Variants in CPD observed in about 807,000 individuals in gnomAD.
CPD encodes the protein metallocarboxypeptidase D.
Under a neutral mutation model 138.3 loss-of-function variants are expected in CPD, and 69 were observed. The ratio of observed to expected loss-of-function variants is 0.50; its 90% confidence interval spans 0.41 to 0.61. The LOEUF (loss-of-function observed/expected upper bound fraction) is 0.61, where lower values mean the gene tolerates loss of function less well. CPD is among the 20% of genes least tolerant of loss of function. The probability of loss-of-function intolerance (pLI) is 0.00; values close to 1 mark genes in which losing one functional copy is unlikely to be tolerated. For synonymous variants in CPD, 651 were observed against 642.1 expected (o/e 1.01, Z -0.21); for missense variants, 1,432 against 1,733.3 (o/e 0.83, Z 3.09).
intron 10 of CPD, 142 bp from the exon 11 acceptor site, chr17:30,443,660 C>A: frequency 1.4e-6 from 1 of 714,490 alleles, no homozygotes; most frequent in Non-Finnish European, 2.2e-6. Context: ...TGAACATTTA[C>A]ATTGAACTTT....
At chr17:30,426,458 A>G (rs1912410758) in intron 6 of CPD, among the ~76,000 whole-genome samples, 1 of 152,194 alleles carries the variant, frequency 6.6e-6, no homozygotes, top group Non-Finnish European at 1.5e-5. Flanking sequence ...GGATGTGGAA[A>G]ACAGTCCTTA....
chr17:30,431,854 C>T lies in CPD; in HGVS notation c.2100C>T (p.Phe700=), dbSNP rs1206837494. ...GTAAATCACCAGATGATGCTGTGTT[C>T]CAACAAATAGCACTTTCTTATTCCA... ...TYSKSPDDAV[F]QQIALSYSKE... is the part of the protein sequence containing the mutation. Residue 700 remains phenylalanine, a synonymous_variant, in exon 8 of 21, where the codon TTC becomes TTT. Coordinates refer to ENST00000225719, the MANE Select transcript of CPD (RefSeq NM_001304.5). The T allele has an allele frequency of 6.2e-7, 1 of 1,609,490 alleles. No homozygotes were observed.
chr17:30,400,992 A>C (rs1241522756), intron 2 of CPD, among the ~76,000 whole-genome samples: 1 of 151,856 alleles, frequency 6.6e-6, no homozygotes, highest in Admixed American at 6.6e-5. Context: ...ATCCTTCTTG[A>C]AGGACATTTT....
chr17:30,452,980 G>C (rs553715121), intron 14 of CPD, among the ~76,000 whole-genome samples: 14 of 152,124 alleles, frequency 9.2e-5, no homozygotes, highest in South Asian at 6.2e-4. Flanking sequence ...ATACGGGAAA[G>C]ACCCGCCCCC....
chr17:30,435,546 A>T (rs1912677478), intron 8 of CPD, among the ~76,000 whole-genome samples: 2 of 152,206 alleles, frequency 1.3e-5, no homozygotes, highest in South Asian at 4.1e-4. Flanking sequence ...AGGAACTAAA[A>T]CTATAAAACT....
chr17:30,435,061 C>T (rs186793537), intron 8 of CPD, among the ~76,000 whole-genome samples: 35 of 151,808 alleles, frequency 2.3e-4, no homozygotes, highest in African/African-American at 7.2e-4. Flanking sequence ...CCCAAATATA[C>T]GTTGAGAATA....
At chr17:30,459,009 G>A (rs995021900) in intron 17 of CPD, among the ~76,000 whole-genome samples, 2 of 151,694 alleles carry the variant, frequency 1.3e-5, no homozygotes, top group African/African-American at 2.4e-5. Flanking sequence ...AGCACTATTT[G>A]TTGAAAGACT....
At chr17:30,447,898 G>T (rs992948509) in intron 12 of CPD, among the ~76,000 whole-genome samples, 3 of 152,108 alleles carry the variant, frequency 2.0e-5, no homozygotes, top group Admixed American at 6.5e-5. Context: ...CCTATGGTTT[G>T]CCTGTTGTAG....
chr17:30,458,091 G>A (rs1159443799), intron 17 of CPD, among the ~76,000 whole-genome samples: 2 of 152,122 alleles, frequency 1.3e-5, no homozygotes, highest in African/African-American at 4.8e-5. Context: ...CTACTTGGGA[G>A]GCTGAGGCAG....
intron 17 of CPD, 112 bp downstream of exon 17, chr17:30,456,638 T>C (rs1913305841): frequency 5.1e-6 from 5 of 985,194 alleles, no homozygotes; most frequent in Non-Finnish European, 6.4e-6. Context: ...GTTTGGGAGT[T>C]CAAGACCAGC....
intron 3 of CPD, 44 bp downstream of exon 3, chr17:30,421,027 A>G: frequency 6.3e-7 from 1 of 1,587,368 alleles, no homozygotes; most frequent in Non-Finnish European, 8.6e-7. Flanking sequence ...AAACAGGATT[A>G]AATAAGGGAG....
intron 9 of CPD, among the ~76,000 whole-genome samples, chr17:30,441,255 G>T (rs1417725208): frequency 0.013 from 1 of 76 alleles, no homozygotes. Flanking sequence ...TTTGTACATT[G>T]ATTTTGTATC....
intron 10 of CPD, 86 bp downstream of exon 10, chr17:30,442,536 G>A (rs1912906204): frequency 1.6e-6 from 2 of 1,246,702 alleles, no homozygotes; most frequent in Admixed American, 4.2e-5. Context: ...CAGTGATTTT[G>A]GAATACACTC....
intron 2 of CPD, among the ~76,000 whole-genome samples, chr17:30,407,657 G>A (rs1464016625): frequency 9.3e-5 from 14 of 151,350 alleles, no homozygotes; most frequent in African/African-American, 3.4e-4. Context: ...ACTTTTTGAT[G>A]GGGTTGTTTG....
At position 30,469,158 on chromosome 17, in the gene CPD, A is replaced by G. The variant is rs1913722359; in HGVS notation, c.*4344A>G. On this transcript the variant is annotated 3_prime_UTR_variant, in exon 21 of 21. Transcript: ENST00000225719. ...ACCCTAATAGGAATTGGGAAAGCAA[A>G]GTTGTATGAGAAACAGACTCTGCTG... 2 of 152,190 alleles carry G rather than the reference A, an allele frequency of 1.3e-5. No individual in the cohort carries two copies. Among genetic ancestry groups the G allele is most frequent in the South Asian group, 4.1e-4 (2 of 4,828 alleles). The allele number at this position is 152,190 out of a possible 1,614,324, so 9.4% of individuals were successfully genotyped here.
intron 1 of CPD, chr17:30,380,535 C>G: frequency 6.9e-7 from 1 of 1,457,370 alleles, no homozygotes. Flanking sequence ...CTAATACACA[C>G]TTTAAGTGTT....
At chr17:30,435,089 T>G (rs1004655527) in intron 8 of CPD, among the ~76,000 whole-genome samples, 12 of 151,728 alleles carry the variant, frequency 7.9e-5, no homozygotes, top group Admixed American at 2.6e-4. Flanking sequence ...CTACCTCAAC[T>G]CAGATAGTCA....
chr17:30,429,999 T>A (rs988872511), intron 7 of CPD, among the ~76,000 whole-genome samples: 17 of 152,172 alleles, frequency 1.1e-4, no homozygotes, highest in African/African-American at 4.1e-4. Context: ...TGCCTTCAGC[T>A]CTAAATAATT....
chr17:30,457,061 A>C (rs1358190240), intron 17 of CPD, among the ~76,000 whole-genome samples: 2 of 152,048 alleles, frequency 1.3e-5, no homozygotes, highest in Non-Finnish European at 2.9e-5. Flanking sequence ...GTTGTGCCCC[A>C]AAAACCATAT....
Sources: allele counts gnomAD v4.1 joint callset (sites outside exome capture counted in the v4.1 genomes callset), GRCh38; gene constraint gnomAD v4.1.1; transcripts MANE v1.5; gene names NCBI Gene and HGNC (gene_info 2026-07-23, HGNC 2026-07-21).